DEFB1: variants seen among roughly 807,000 people sequenced by gnomAD.
DEFB1 encodes defensin beta 1.
DEFB1 carries 4 observed loss-of-function variants against 2.6 expected under a neutral mutation model. The ratio of observed to expected loss-of-function variants is 1.53; its 90% confidence interval spans 0.76 to 3.51. The LOEUF (loss-of-function observed/expected upper bound fraction) is 3.51, where lower values mean the gene tolerates loss of function less well. Among genes scored for constraint, DEFB1 ranks in the 30% most tolerant of loss-of-function variants. The probability of loss-of-function intolerance (pLI) is 0.01; values close to 1 mark genes in which losing one functional copy is unlikely to be tolerated. For synonymous variants in DEFB1, 56 were observed against 28.5 expected (o/e 1.96, Z -3.07); for missense variants, 162 against 76.9 (o/e 2.11, Z -4.14).
intron 1 of DEFB1, among the ~76,000 whole-genome samples, chr8:6,873,300 G>A (rs987365159): frequency 6.6e-6 from 1 of 152,184 alleles, no homozygotes; most frequent in Non-Finnish European, 1.5e-5. Flanking sequence ...CCACACTGCT[G>A]GTTGACTGTG....
At chr8:6,877,059 A>C (rs533982163) in intron 1 of DEFB1, among the ~76,000 whole-genome samples, 1 of 152,278 alleles carries the variant, frequency 6.6e-6, no homozygotes, top group South Asian at 2.1e-4. Context: ...TTTCAGGATC[A>C]TCCTTCCCAG....
intron 1 of DEFB1, among the ~76,000 whole-genome samples, chr8:6,874,991 A>AACAAAACAAAAC: frequency 6.6e-6 from 1 of 151,864 alleles, no homozygotes; most frequent in African/African-American, 2.4e-5. Context: ...CAAAAAAAAA[A>AACAAAACAAAAC]AAAGTTGGTT....
intron 1 of DEFB1, among the ~76,000 whole-genome samples, chr8:6,872,510 A>C (rs1806359600): frequency 6.6e-6 from 1 of 152,066 alleles, no homozygotes; most frequent in Non-Finnish European, 1.5e-5. Context: ...CTATTGGCCA[A>C]CTTAAACACA....
At chr8:6,871,589 C>G (rs1235861612) in intron 1 of DEFB1, among the ~76,000 whole-genome samples, 2 of 152,172 alleles carry the variant, frequency 1.3e-5, no homozygotes, top group Non-Finnish European at 1.5e-5. Flanking sequence ...GAAGCCCTAA[C>G]AGTGCCTCAG....
intron 1 of DEFB1, among the ~76,000 whole-genome samples, chr8:6,874,118 T>TACACACACAC (rs756827017): frequency 5.0e-5 from 6 of 120,314 alleles, no homozygotes; most frequent in Middle Eastern, 4.1e-3. Flanking sequence ...ATATCTGACA[T>TACACACACAC]ACACACACAC....
At chr8:6,874,153 A>ATG (rs1806432009) in intron 1 of DEFB1, among the ~76,000 whole-genome samples, 2 of 141,936 alleles carry the variant, frequency 1.4e-5, no homozygotes, top group South Asian at 2.3e-4. Flanking sequence ...ACACGCACAC[A>ATG]CACGCACATG....
intron 1 of DEFB1, among the ~76,000 whole-genome samples, chr8:6,874,562 G>T (rs578073278): frequency 6.6e-6 from 1 of 152,332 alleles, no homozygotes; most frequent in South Asian, 2.1e-4. Context: ...TGTGCTTATG[G>T]CACAAGGACA....
At chr8:6,876,967 A>C (rs531762581) in intron 1 of DEFB1, among the ~76,000 whole-genome samples, 1 of 152,316 alleles carries the variant, frequency 6.6e-6, no homozygotes, top group African/African-American at 2.4e-5. Context: ...GGAATAAATT[A>C]AGCCTATCTG....
chr8:6,872,037 C>T (rs1806340332), intron 1 of DEFB1, among the ~76,000 whole-genome samples: 1 of 152,138 alleles, frequency 6.6e-6, no homozygotes, highest in Non-Finnish European at 1.5e-5. Flanking sequence ...AACTTCCATC[C>T]AAAGGCTATT....
chr8:6,875,583 G>T (rs1158387984), intron 1 of DEFB1, among the ~76,000 whole-genome samples: 1 of 152,196 alleles, frequency 6.6e-6, no homozygotes, highest in Non-Finnish European at 1.5e-5. Flanking sequence ...CACTCACCAG[G>T]TGGTTAAAAT....
At chr8:6,873,960 C>T (rs955385135) in intron 1 of DEFB1, among the ~76,000 whole-genome samples, 1 of 152,202 alleles carries the variant, frequency 6.6e-6, no homozygotes, top group Non-Finnish European at 1.5e-5. Context: ...ATTTTCATGA[C>T]ATTTGCCTTC....
chr8:6,870,971 C>A (rs1230215541), intron 1 of DEFB1, 145 bp from the exon 2 acceptor site: 9 of 932,394 alleles, frequency 9.7e-6, no homozygotes, highest in Non-Finnish European at 1.4e-5. Context: ...ATCTTTGGGG[C>A]TACTCATGAA....
At chr8:6,871,797 C>A (rs968328993) in intron 1 of DEFB1, among the ~76,000 whole-genome samples, 3 of 152,194 alleles carry the variant, frequency 2.0e-5, no homozygotes, top group South Asian at 2.1e-4. Context: ...GAGAAGAAGC[C>A]AACCCTGCTT....
intron 1 of DEFB1, among the ~76,000 whole-genome samples, chr8:6,877,526 C>G (rs892006146): frequency 6.6e-6 from 1 of 152,230 alleles, no homozygotes; most frequent in East Asian, 1.9e-4. Flanking sequence ...ACATAGGATA[C>G]TGTCTACATG....
intron 1 of DEFB1, among the ~76,000 whole-genome samples, chr8:6,877,537 T>A (rs112471889): frequency 6.6e-6 from 1 of 152,160 alleles, no homozygotes; most frequent in Non-Finnish European, 1.5e-5. Context: ...TGTCTACATG[T>A]CCAGGACAAG....
intron 1 of DEFB1, among the ~76,000 whole-genome samples, chr8:6,876,380 G>C (rs774822548): frequency 1.3e-5 from 2 of 152,180 alleles, no homozygotes; most frequent in Non-Finnish European, 2.9e-5. Context: ...AGGAGGCTGA[G>C]GCAGGAGAAT....
At chr8:6,877,243 C>G (rs1049857260) in intron 1 of DEFB1, among the ~76,000 whole-genome samples, 16 of 152,192 alleles carry the variant, frequency 1.1e-4, no homozygotes, top group African/African-American at 3.9e-4. Flanking sequence ...ACAGGAAGCC[C>G]CCTCCTATTG....
intron 1 of DEFB1, among the ~76,000 whole-genome samples, chr8:6,874,788 C>G (rs988694652): frequency 2.0e-5 from 3 of 152,072 alleles, no homozygotes; most frequent in African/African-American, 7.2e-5. Flanking sequence ...TTGAGACCAG[C>G]CTGGCCAACA....
At chr8:6,875,242 C>G (rs1305328876) in intron 1 of DEFB1, among the ~76,000 whole-genome samples, 1 of 152,072 alleles carries the variant, frequency 6.6e-6, no homozygotes, top group Non-Finnish European at 1.5e-5. Context: ...AGTGCAGTAA[C>G]CTTACGGAAA....
Sources: allele counts gnomAD v4.1 joint callset (sites outside exome capture counted in the v4.1 genomes callset), GRCh38; gene constraint gnomAD v4.1.1; transcripts MANE v1.5; gene names NCBI Gene and HGNC (gene_info 2026-07-23, HGNC 2026-07-21).